RPTOR: variants seen among roughly 807,000 people sequenced by gnomAD.
RPTOR encodes regulatory associated protein of MTOR complex 1.
Under a neutral mutation model 169.9 loss-of-function variants are expected in RPTOR, and 21 were observed. That is an observed-to-expected ratio of 0.12 (90% CI 0.09 to 0.18). The LOEUF (loss-of-function observed/expected upper bound fraction) is 0.18. Among genes scored for constraint, RPTOR ranks in the 10% least tolerant of loss-of-function variants. RPTOR has a pLI of 1.00. For synonymous variants in RPTOR, 732 were observed against 753.2 expected, an observed-to-expected ratio of 0.97 and a Z score of 0.46; for missense variants, 1,133 against 1,855.9, an observed-to-expected ratio of 0.61 and a Z score of 7.16.
intron 25 of RPTOR, among the ~76,000 whole-genome samples, chr17:80,942,781 C>T (rs1206843609): frequency 6.6e-6 from 1 of 152,252 alleles, no homozygotes; most frequent in East Asian, 1.9e-4. Flanking sequence ...GGCCCCTGCC[C>T]GGCTCTTCAG....
intron 1 of RPTOR, among the ~76,000 whole-genome samples, chr17:80,598,468 G>A (rs989127989): frequency 7.9e-5 from 12 of 152,214 alleles, no homozygotes; most frequent in Non-Finnish European, 1.6e-4. Flanking sequence ...TTCTAAGATG[G>A]TCATTGCTTC....
At position 80,600,617 on chromosome 17, in the gene RPTOR, C is replaced by T. The variant is rs143850102; in HGVS notation, c.163-25074C>T. On this transcript the variant is annotated intron_variant, in intron 1 of 33. Transcript: ENST00000306801. ...CTCTTTAGACCTGGATTGGGAAGAA[C>T]GGGGATGGAAGAGGGGTGGACTTGA... 3.9e-5 allele frequency among the ~76,000 whole-genome samples: 6 copies of T among 152,094 alleles called. No homozygotes were observed. In the East Asian group the frequency reaches 9.7e-4, roughly 25 times the overall value.
At chr17:80,923,841 G>T in intron 23 of RPTOR, 168 bp downstream of exon 23, 1 of 717,640 alleles carries the variant, frequency 1.4e-6, no homozygotes, top group Non-Finnish European at 2.3e-6. Flanking sequence ...CCCGGGTGCT[G>T]GTCCTCACTC....
At position 80,843,833 on chromosome 17, in the gene RPTOR, C is replaced by A. The variant is rs866973368; in HGVS notation, c.1213-2640C>A. 3.3e-5 allele frequency among the ~76,000 whole-genome samples: 5 copies of A among 152,302 alleles called. No homozygotes were observed. The South Asian group carries it at 1.0e-3, about 32-fold the overall frequency. On this transcript the variant is annotated intron_variant, in intron 10 of 33. Transcript: ENST00000306801. Reference sequence around the variant, plus strand: ...TTAGGTGTGACTTGGAGGCTCCCAGCCTCTCAGCCGGCCTTCCCATTTTCA... The same window carrying A: ...TTAGGTGTGACTTGGAGGCTCCCAGACTCTCAGCCGGCCTTCCCATTTTCA...
chr17:80,958,559 C>A (rs60404520), intron 29 of RPTOR, among the ~76,000 whole-genome samples: 1 of 151,704 alleles, frequency 6.6e-6, no homozygotes, highest in African/African-American at 2.4e-5. Flanking sequence ...TACAAGCGCC[C>A]ACCACCACGC....
At chr17:80,681,542 G>C (rs143400808) in intron 3 of RPTOR, among the ~76,000 whole-genome samples, 89 of 152,206 alleles carry the variant, frequency 5.8e-4, no homozygotes, top group African/African-American at 1.9e-3. Context: ...CCAATTCTGT[G>C]TGTGTGGTTC....
At chr17:80,575,294 T>G (rs2064952155) in intron 1 of RPTOR, among the ~76,000 whole-genome samples, 1 of 152,254 alleles carries the variant, frequency 6.6e-6, no homozygotes, top group South Asian at 2.1e-4. Context: ...CATGCCTGGC[T>G]GGATATACAG....
At position 80,647,855 on chromosome 17, in the gene RPTOR, G is replaced by C. The variant is rs146059361; in HGVS notation, c.348+4045G>C. ...GGCTTCCAGGGAGCTGAGCGGTCAG[G>C]TTGAGTCAGTTTCCATGTGGTGGAC... On this transcript the variant is annotated intron_variant, in intron 3 of 33. Transcript: ENST00000306801. 2.0e-5 allele frequency among the ~76,000 whole-genome samples: 3 copies of C among 152,262 alleles called. No individual in the cohort carries two copies. In the East Asian group the frequency reaches 5.8e-4, roughly 29 times the overall value.
In RPTOR at chr17:80,726,402, T is replaced by G. The variant is rs980231970; in HGVS notation, c.508-4158T>G. ...GATCACGGGGCGTGGAGGGAGAGAC[T>G]GCCAGTGCTGTCCTAGTGCAGCAGT... On this transcript the variant is annotated intron_variant, in intron 4 of 33. Transcript: ENST00000306801. This position sits in a 1 kb window ranked among gnomAD's most constrained non-coding sequence, Gnocchi z 4.5. Among the ~76,000 whole-genome samples the G allele has an allele frequency of 6.6e-6, 1 of 152,200 alleles. No individual in the cohort carries two copies. Among genetic ancestry groups the G allele is most frequent in the Non-Finnish European group, 1.5e-5 (1 of 68,040 alleles).
chr17:80,554,626 C>G (rs907250058), intron 1 of RPTOR, among the ~76,000 whole-genome samples: 1 of 152,088 alleles, frequency 6.6e-6, no homozygotes, highest in Admixed American at 6.6e-5. Context: ...CGCCTGTAGT[C>G]CCAGCTACTT....
In RPTOR at chr17:80,626,776, A is replaced by AATTATTATTATT. The variant is rs143412094; in HGVS notation, c.265+1008_265+1019dup. Among the ~76,000 whole-genome samples the AATTATTATTATT allele has an allele frequency of 5.2e-3, 728 of 141,000 alleles. 9 individuals carry two copies. The highest frequency in any genetic ancestry group is 6.7e-3 in the Non-Finnish European group (441 of 66,080). The allele number at this position is 141,000 out of a possible 152,430, so 92.5% of individuals were successfully genotyped here. A position where few individuals can be genotyped will look rare whatever the true frequency, so the allele number is the denominator to read the frequency against. On this transcript the variant is annotated intron_variant, in intron 2 of 33. Coordinates refer to ENST00000306801, the MANE Select transcript of RPTOR (RefSeq NM_020761.3). ...AGACAACACAAAATACCATTCTAGG[A>AATTATTATTATT]ATTATTATTATTATTATTATTATTA...
At chr17:80,801,098 G>C (rs2067152244) in intron 7 of RPTOR, among the ~76,000 whole-genome samples, 1 of 152,158 alleles carries the variant, frequency 6.6e-6, no homozygotes, top group Non-Finnish European at 1.5e-5. Context: ...TCCCATCTGT[G>C]GGACTTCCGT....
At position 80,935,171 on chromosome 17, in the gene RPTOR, T is replaced by C. The variant is rs200696187; in HGVS notation, c.2920-5325T>C. Among the ~76,000 whole-genome samples the C allele has an allele frequency of 1.7e-4, 26 of 152,310 alleles. 1 individual carries two copies. The South Asian group carries it at 2.9e-3, about 17-fold the overall frequency. On this transcript the variant is annotated intron_variant, in intron 24 of 33. Transcript: ENST00000306801. ...CTTTTTTCAAAATATGTGAAAGATA[T>C]GTATTCTGAAAAATATAAAACACTG...
intron 1 of RPTOR, among the ~76,000 whole-genome samples, chr17:80,615,002 T>C (rs897175375): frequency 8.5e-5 from 13 of 152,176 alleles, no homozygotes; most frequent in African/African-American, 3.1e-4. Context: ...AGTTGGGTCA[T>C]GGGGAGAGTT....
intron 1 of RPTOR, chr17:80,593,133 C>T (rs2065119478): frequency 6.6e-6 from 1 of 152,420 alleles, no homozygotes; most frequent in African/African-American, 2.4e-5. Context: ...TGCTGCTTTT[C>T]CCTGAAAGAA....
At chr17:80,719,466 C>G (rs1038684416) in intron 4 of RPTOR, among the ~76,000 whole-genome samples, 5 of 152,158 alleles carry the variant, frequency 3.3e-5, no homozygotes, top group Non-Finnish European at 2.9e-5. Flanking sequence ...ATTCTCAGCC[C>G]TATTAAAGTG....
At chr17:80,656,345 G>T (rs776574113) in intron 3 of RPTOR, among the ~76,000 whole-genome samples, 10 of 152,204 alleles carry the variant, frequency 6.6e-5, no homozygotes, top group Non-Finnish European at 1.2e-4. Flanking sequence ...TGGGATTACA[G>T]GTGTGAGTCA....
rs1277770420 is a variant in RPTOR at position 80,726,355 on chromosome 17, A to G, written c.508-4205A>G. Among the ~76,000 whole-genome samples the G allele has an allele frequency of 6.6e-6, 1 of 152,186 alleles. No individual in the cohort carries two copies. The highest frequency in any genetic ancestry group is 1.9e-4 in the East Asian group (1 of 5,178). ...ACTGGGCCACGAGGACCCTGCCGGT[A>G]ACCTGGTGCTCGCCGCCCACAGATC... On this transcript the variant is annotated intron_variant, in intron 4 of 33. Transcript: ENST00000306801. The surrounding 1 kb of genome is among the most constrained non-coding windows in gnomAD (Gnocchi z 4.5).
intron 7 of RPTOR, among the ~76,000 whole-genome samples, chr17:80,810,698 A>C (rs1371979015): frequency 6.6e-6 from 1 of 152,244 alleles, no homozygotes; most frequent in Non-Finnish European, 1.5e-5. Context: ...CTGGAATTAC[A>C]TTAAATCTAG....
Sources: gnomAD v4.1 joint callset for allele counts (sites outside exome capture counted in the v4.1 genomes callset) on GRCh38, gnomAD v4.1.1 for gene constraint, Gnocchi (gnomAD v3.1) non-coding constraint, MANE v1.5 for transcripts, NCBI Gene and HGNC (gene_info 2026-07-23, HGNC 2026-07-21) for gene names.